ADCY3: variants seen among roughly 807,000 people sequenced by gnomAD.
ADCY3 encodes the protein adenylate cyclase type 3.
A neutral mutation model predicts 119.4 loss-of-function variants in ADCY3; 70 were observed. That is an observed-to-expected ratio of 0.59 (90% CI 0.48 to 0.72). ADCY3 has a LOEUF of 0.72. Among genes scored for constraint, ADCY3 ranks in the 30% least tolerant of loss-of-function variants. ADCY3 has a pLI of 0.00. For synonymous variants in ADCY3, 672 were observed against 621.4 expected, an observed-to-expected ratio of 1.08 and a Z score of -1.21; for missense variants, 1,238 against 1,541.6, an observed-to-expected ratio of 0.80 and a Z score of 3.30.
At chr2:24,821,057 C>A (rs1011548025) in intron 20 of ADCY3, 21 of 635,778 alleles carry the variant, frequency 3.3e-5, no homozygotes, top group African/African-American at 1.3e-4. Flanking sequence ...ACCCCCCCCC[C>A]ATATGCAGAT....
intron 3 of ADCY3, among the ~76,000 whole-genome samples, chr2:24,844,794 G>C (rs1671476253): frequency 6.6e-6 from 1 of 152,238 alleles, no homozygotes; most frequent in African/African-American, 2.4e-5. Context: ...CCTGCCTGAA[G>C]CAGTAATAGT....
intron 2 of ADCY3, among the ~76,000 whole-genome samples, chr2:24,875,098 CCCTA>C (rs1379119909): frequency 3.9e-5 from 6 of 152,188 alleles, no homozygotes; most frequent in Non-Finnish European, 8.8e-5. Flanking sequence ...TCCCATCTGT[CCCTA>C]TGAGATGGCC....
At chr2:24,883,166 AGTGAAACC>A (rs1676609075) in intron 2 of ADCY3, among the ~76,000 whole-genome samples, 1 of 151,452 alleles carries the variant, frequency 6.6e-6, no homozygotes, top group Non-Finnish European at 1.5e-5. Context: ...TGGCCAATAT[AGTGAAACC>A]CCGTCTCTAC....
intron 2 of ADCY3, among the ~76,000 whole-genome samples, chr2:24,874,609 GTCT>G (rs1483434095): frequency 6.6e-6 from 1 of 152,216 alleles, no homozygotes; most frequent in African/African-American, 2.4e-5. Flanking sequence ...TGTGGGCCAG[GTCT>G]TCTTCTGGCC....
chr2:24,825,804 C>T, intron 16 of ADCY3: 1 of 551,748 alleles, frequency 1.8e-6, no homozygotes, highest in South Asian at 2.3e-5. Context: ...CCCACCTTCA[C>T]TCCCATGCTT....
chr2:24,880,003 A>G (rs951992842), intron 2 of ADCY3, among the ~76,000 whole-genome samples: 1 of 152,258 alleles, frequency 6.6e-6, no homozygotes. Context: ...TGAGATCTCC[A>G]ATAAATGCAA....
intron 16 of ADCY3, 35 bp downstream of exon 16, chr2:24,826,010 G>A: frequency 6.2e-7 from 1 of 1,602,626 alleles, no homozygotes; most frequent in Non-Finnish European, 8.5e-7. Flanking sequence ...TGTGGGCTGT[G>A]GGCACAGAGC....
At chr2:24,845,158 C>A (rs564379468) in intron 3 of ADCY3, among the ~76,000 whole-genome samples, 1 of 152,128 alleles carries the variant, frequency 6.6e-6, no homozygotes, top group African/African-American at 2.4e-5. Flanking sequence ...AGCGTGAAAA[C>A]GGACTAATAC....
chr2:24,865,489 CTGTGTG>C (rs3222240), intron 3 of ADCY3, among the ~76,000 whole-genome samples: 12,907 of 140,364 alleles, frequency 0.092, 541 homozygotes, highest in East Asian at 0.1. Context: ...AGGCTATCAT[CTGTGTG>C]TGTGTGTGTG....
At chr2:24,887,078 G>A (rs574656055) in intron 2 of ADCY3, among the ~76,000 whole-genome samples, 1 of 152,226 alleles carries the variant, frequency 6.6e-6, no homozygotes, top group South Asian at 2.1e-4. Flanking sequence ...AAGGAAAGAG[G>A]TTTAACTGAC....
intron 8 of ADCY3, among the ~76,000 whole-genome samples, chr2:24,837,957 G>A (rs1240455598): frequency 6.6e-6 from 1 of 152,058 alleles, no homozygotes; most frequent in East Asian, 1.9e-4. Flanking sequence ...GAAGCCGAAA[G>A]ATTAGACACC....
intron 7 of ADCY3, among the ~76,000 whole-genome samples, chr2:24,839,653 C>G (rs1368191401): frequency 6.6e-6 from 1 of 152,190 alleles, no homozygotes; most frequent in African/African-American, 2.4e-5. Flanking sequence ...GAAGGAAAAG[C>G]CACATCCAAT....
chr2:24,881,484 T>C (rs1009123815), intron 2 of ADCY3, among the ~76,000 whole-genome samples: 8 of 152,186 alleles, frequency 5.3e-5, no homozygotes, highest in Admixed American at 3.9e-4. Context: ...GAGAAGACAC[T>C]AGCAGTGCAA....
rs1356513483 is a variant in ADCY3, at chr2:24,899,180, G to A, written c.675+19133C>T. ...ACTCCCTAGGCAGCTGACCCACAGAGGCCCAGGGAGGTCAGCTGCGCTGCC... is the reference window on the plus strand; with the variant it reads ...ACTCCCTAGGCAGCTGACCCACAGAAGCCCAGGGAGGTCAGCTGCGCTGCC... On this transcript the variant is annotated intron_variant, in intron 2 of 21. Coordinates refer to ENST00000679454, the MANE Select transcript of ADCY3 (RefSeq NM_004036.5). The surrounding 1 kb of genome is among the most constrained non-coding windows in gnomAD (Gnocchi z 4.5). Among the ~76,000 whole-genome samples, 12 of 152,158 alleles carry A rather than the reference G, an allele frequency of 7.9e-5. No homozygotes were observed. Among genetic ancestry groups the A allele is most frequent in the Non-Finnish European group, 1.5e-4 (10 of 68,012 alleles).
At chr2:24,843,302 G>A (rs1443041653) in intron 3 of ADCY3, among the ~76,000 whole-genome samples, 1 of 152,122 alleles carries the variant, frequency 6.6e-6, no homozygotes, top group East Asian at 1.9e-4. Flanking sequence ...GTGCAAACAT[G>A]GCTCACAGTA....
intron 2 of ADCY3, among the ~76,000 whole-genome samples, chr2:24,889,696 C>T (rs986484721): frequency 1.3e-5 from 2 of 152,120 alleles, no homozygotes; most frequent in African/African-American, 4.8e-5. Context: ...ATTGGCCAGG[C>T]GTGATGGCAC....
At chr2:24,880,410 T>G (rs984031827) in intron 2 of ADCY3, among the ~76,000 whole-genome samples, 2 of 152,146 alleles carry the variant, frequency 1.3e-5, no homozygotes, top group East Asian at 3.9e-4. Context: ...CTCCCCTCCC[T>G]CCAATCACAA....
rs748520021 is a variant in ADCY3 at position 24,918,849 on chromosome 2, G to C, written c.139C>G (p.Leu47Val). ...AGCCGCATGAAGCGAGGCAGGCACAGGCAGGAGCCCGAGTTCCGGACCGAG... is the reference window on the plus strand; with the variant it reads ...AGCCGCATGAAGCGAGGCAGGCACACGCAGGAGCCCGAGTTCCGGACCGAG... ...EISVRNSGSC[L>V]CLPRFMRLTF... Residue 47 changes from leucine (L) to valine (V), a missense_variant, in exon 2 of 22, where the codon CTG becomes GTG. Physicochemically the swap from Leu to Val is conservative, Grantham distance 32. Around this residue, in one of 7 missense-constraint regions of ADCY3, gnomAD observed 227 missense variants for 249.3 expected, o/e 0.91. Coordinates refer to ENST00000679454, the MANE Select transcript of ADCY3 (RefSeq NM_004036.5). This position sits in a 1 kb window ranked among gnomAD's most constrained non-coding sequence, Gnocchi z 5.4. 1.2e-6 allele frequency: 2 copies of C among 1,613,380 alleles called. No individual in the cohort carries two copies. The highest frequency in any genetic ancestry group is 8.5e-7 in the Non-Finnish European group (1 of 1,180,042).
intron 3 of ADCY3, among the ~76,000 whole-genome samples, chr2:24,846,740 G>A (rs1428620067): frequency 2.6e-5 from 4 of 152,004 alleles, no homozygotes; most frequent in Admixed American, 6.6e-5. Flanking sequence ...CCCCATGCCC[G>A]GCTAATTTTT....
Sources: allele counts gnomAD v4.1 joint callset (sites outside exome capture counted in the v4.1 genomes callset), GRCh38; gene constraint gnomAD v4.1.1; regional missense constraint gnomAD v4.1.1; non-coding constraint Gnocchi (gnomAD v3.1); transcripts MANE v1.5; gene names NCBI Gene and HGNC (gene_info 2026-07-23, HGNC 2026-07-21).